The following KIF6 variants were observed in gnomAD, a reference collection of about 807,000 sequenced individuals.
The protein encoded by KIF6 is kinesin-like protein KIF6.
KIF6 carries 106 observed loss-of-function variants against 112.7 expected under a neutral mutation model. That is an observed-to-expected ratio of 0.94 (90% confidence interval 0.80 to 1.11). The LOEUF (loss-of-function observed/expected upper bound fraction) is 1.11. Among genes scored for constraint, KIF6 ranks in the 50% least tolerant of loss-of-function variants. KIF6 has a pLI of 0.00. For missense variants in KIF6, 929 were observed against 964.0 expected, an observed-to-expected ratio of 0.96 and a Z score of 0.48; for synonymous variants, 339 against 339.9, an observed-to-expected ratio of 1.00 and a Z score of 0.03.
chr6:39,623,012 G>T (rs2446653), intron 5 of KIF6, among the ~76,000 whole-genome samples: 81,704 of 152,070 alleles, frequency 0.54, 25,098 homozygotes, highest in African/African-American at 0.84. Flanking sequence ...TAAGCCATTG[G>T]AAGTTAGGCT....
chr6:39,429,216 T>G, intron 14 of KIF6, among the ~76,000 whole-genome samples: 1 of 152,236 alleles, frequency 6.6e-6, no homozygotes, highest in East Asian at 1.9e-4. Flanking sequence ...TCCGTTTGCC[T>G]TTCTTTTTCC....
intron 3 of KIF6, among the ~76,000 whole-genome samples, chr6:39,641,075 A>G (rs1784873189): frequency 6.6e-6 from 1 of 152,140 alleles, no homozygotes; most frequent in South Asian, 2.1e-4. Context: ...ACAAAATTAG[A>G]TATATAATTA....
intron 3 of KIF6, among the ~76,000 whole-genome samples, chr6:39,676,449 G>A (rs1787145262): frequency 6.6e-6 from 1 of 152,074 alleles, no homozygotes; most frequent in African/African-American, 2.4e-5. Flanking sequence ...GCCATCAAAG[G>A]ATGTACTTCA....
At chr6:39,449,508 T>C (rs1299635758) in intron 13 of KIF6, among the ~76,000 whole-genome samples, 2 of 152,246 alleles carry the variant, frequency 1.3e-5, no homozygotes, top group Non-Finnish European at 2.9e-5. Flanking sequence ...GATTATCAAC[T>C]CACTATTCAG....
rs768938958 is a variant in KIF6, at chr6:39,494,621, G to A, written c.1645+45382C>T. 9.9e-5 allele frequency among the ~76,000 whole-genome samples: 15 copies of A among 152,042 alleles called. 1 individual carries two copies. The highest frequency in any genetic ancestry group is 2.1e-4 in the South Asian group (1 of 4,820). ...CTCTAGAAAGAAATCCTAATGTTCC[G>A]ACGTAAAAGAATGGGGTATTTTATT... On this transcript the variant is annotated intron_variant, in intron 13 of 22. Coordinates refer to ENST00000287152, the MANE Select transcript of KIF6 (RefSeq NM_145027.6).
At position 39,343,662 on chromosome 6, in the gene KIF6, T is replaced by C. The variant is rs1324197137; in HGVS notation, c.2428+47A>G. 7.0e-7 allele frequency: 1 copy of C among 1,433,074 alleles called. No homozygotes were observed. The highest frequency in any genetic ancestry group is 9.7e-7 in the Non-Finnish European group (1 of 1,035,696). The allele number at this position is 1,433,074 out of a possible 1,614,324, so 88.8% of individuals were successfully genotyped here. A position where few individuals can be genotyped will look rare whatever the true frequency, so the allele number is the denominator to read the frequency against. On this transcript the variant is annotated intron_variant, in intron 22 of 22. Transcript: ENST00000287152. The surrounding 1 kb of genome is among the most constrained non-coding windows in gnomAD (Gnocchi z 4.1). ...CCTCACTGTGTGCTCCCCACAAGTG[T>C]TGGTGACCTGCTGCCCAGGAGGAGC...
At chr6:39,500,944 C>A (rs1428763740) in intron 13 of KIF6, among the ~76,000 whole-genome samples, 3 of 152,004 alleles carry the variant, frequency 2.0e-5, no homozygotes, top group African/African-American at 7.2e-5. Context: ...AGAAATGTAG[C>A]AAGATGGCCA....
chr6:39,614,843 T>C (rs141423177), intron 5 of KIF6, among the ~76,000 whole-genome samples: 2 of 152,316 alleles, frequency 1.3e-5, no homozygotes, highest in East Asian at 3.9e-4. Context: ...TTAAACTTTA[T>C]TTCCACCCTG....
intron 13 of KIF6, among the ~76,000 whole-genome samples, chr6:39,519,819 C>T (rs572540596): frequency 8.4e-4 from 128 of 152,178 alleles, no homozygotes; most frequent in African/African-American, 2.9e-3. Flanking sequence ...GTCAGAAGTT[C>T]GAGACCAGCC....
chr6:39,651,824 C>T (rs1255589583), intron 3 of KIF6, among the ~76,000 whole-genome samples: 1 of 152,156 alleles, frequency 6.6e-6, no homozygotes, highest in African/African-American at 2.4e-5. Flanking sequence ...TTATTTGCAT[C>T]ATGGATACAC....
intron 15 of KIF6, among the ~76,000 whole-genome samples, chr6:39,397,717 C>T (rs1388190809): frequency 6.6e-6 from 1 of 152,022 alleles, no homozygotes; most frequent in Non-Finnish European, 1.5e-5. Context: ...GAGGTTTTTG[C>T]AGTGAAGCTT....
intron 3 of KIF6, among the ~76,000 whole-genome samples, chr6:39,667,009 T>C (rs1341042530): frequency 6.6e-6 from 1 of 152,176 alleles, no homozygotes; most frequent in Non-Finnish European, 1.5e-5. Context: ...TATCACAGCC[T>C]TTTTGCACGG....
At chr6:39,630,558 C>G (rs556614229) in intron 5 of KIF6, among the ~76,000 whole-genome samples, 2 of 151,998 alleles carry the variant, frequency 1.3e-5, no homozygotes, top group Non-Finnish European at 2.9e-5. Flanking sequence ...GCCATAATCA[C>G]TTATGAATTC....
At chr6:39,346,159 CTCTT>C (rs1460180519) in intron 20 of KIF6, among the ~76,000 whole-genome samples, 1 of 138,316 alleles carries the variant, frequency 7.2e-6, no homozygotes, top group Admixed American at 7.4e-5. Context: ...CTCTCTCTCT[CTCTT>C]TCTCTCCTAT....
chr6:39,634,631 G>T (rs938085892), intron 5 of KIF6, among the ~76,000 whole-genome samples: 1 of 151,900 alleles, frequency 6.6e-6, no homozygotes, highest in Non-Finnish European at 1.5e-5. Context: ...CTCCAAAAGA[G>T]ATTTTCCCAA....
rs149192630 is a variant in KIF6, at chr6:39,540,451, G to A, written c.1427-230C>T. ...TTAGCAAACGCAAGGTCTTTACAATGTTCTGAGTTTAAACCAGGTACATCT... is the reference window on the plus strand; with the variant it reads ...TTAGCAAACGCAAGGTCTTTACAATATTCTGAGTTTAAACCAGGTACATCT... On this transcript the variant is annotated intron_variant, in intron 12 of 22. Coordinates refer to ENST00000287152, the MANE Select transcript of KIF6 (RefSeq NM_145027.6). Among the ~76,000 whole-genome samples the A allele has an allele frequency of 5.0e-3, 758 of 152,330 alleles. 4 individuals are homozygous for A. Among genetic ancestry groups the A allele is most frequent in the African/African-American group, 0.017 (723 of 41,576 alleles).
chr6:39,356,528 G>T (rs1764702433), intron 19 of KIF6, among the ~76,000 whole-genome samples: 1 of 152,128 alleles, frequency 6.6e-6, no homozygotes, highest in Non-Finnish European at 1.5e-5. Context: ...GCCTCCCAAA[G>T]TGCTGGGATT....
chr6:39,646,816 C>T (rs1785193474), intron 3 of KIF6, among the ~76,000 whole-genome samples: 1 of 152,186 alleles, frequency 6.6e-6, no homozygotes, highest in Non-Finnish European at 1.5e-5. Flanking sequence ...TTTAAATACA[C>T]AGTTCCGCCT....
intron 13 of KIF6, among the ~76,000 whole-genome samples, chr6:39,518,330 T>C (rs910970411): frequency 6.6e-6 from 1 of 152,242 alleles, no homozygotes; most frequent in Non-Finnish European, 1.5e-5. Context: ...TACACACACA[T>C]GCTTGCACAG....
Sources: gnomAD v4.1 joint callset for allele counts (sites outside exome capture counted in the v4.1 genomes callset) on GRCh38, gnomAD v4.1.1 for gene constraint, Gnocchi (gnomAD v3.1) non-coding constraint, MANE v1.5 for transcripts, NCBI Gene and HGNC (gene_info 2026-07-23, HGNC 2026-07-21) for gene names.